Variants in NUP210 observed in about 807,000 individuals in gnomAD.
The protein encoded by NUP210 is nucleoporin 210, also known as nuclear pore membrane glycoprotein 210.
NUP210 carries 151 observed loss-of-function variants against 196.0 expected under a neutral mutation model. The observed-to-expected ratio is 0.77, with a 90% CI of 0.67 to 0.88. The LOEUF (loss-of-function observed/expected upper bound fraction) is 0.88. NUP210 is among the 40% of genes least tolerant of loss of function. The probability of loss-of-function intolerance (pLI) is 0.00; values close to 1 mark genes in which losing one functional copy is unlikely to be tolerated. For missense variants in NUP210, 2,314 were observed against 2,493.7 expected, an observed-to-expected ratio of 0.93 and a Z score of 1.53; for synonymous variants, 1,070 against 1,052.7, an observed-to-expected ratio of 1.02 and a Z score of -0.32.
chr3:13,319,670 C>A, intron 37 of NUP210, 93 bp downstream of exon 37: 1 of 1,079,824 alleles, frequency 9.3e-7, no homozygotes, highest in Admixed American at 2.0e-5. Context: ...TCCTCCATTT[C>A]TTACACCTCA....
At chr3:13,330,209 T>C (rs575022755) in intron 30 of NUP210, among the ~76,000 whole-genome samples, 3 of 152,366 alleles carry the variant, frequency 2.0e-5, no homozygotes, top group East Asian at 1.9e-4. Flanking sequence ...ACGCCAATCA[T>C]GGACCTTGCT....
Position 13,327,957 on chromosome 3 carries a change from G to A in NUP210, c.4287-520C>T, listed in dbSNP as rs1454216851. Reference sequence around the variant, plus strand: ...GCCACAGGGCAGGTGCTCAGTCAATGTTGGCAATGGCAGCTTTGGTGCAGA... The same window carrying A: ...GCCACAGGGCAGGTGCTCAGTCAATATTGGCAATGGCAGCTTTGGTGCAGA... On this transcript the variant is annotated intron_variant, in intron 31 of 39. Coordinates refer to ENST00000254508, the MANE Select transcript of NUP210 (RefSeq NM_024923.4). Among the ~76,000 whole-genome samples the A allele has an allele frequency of 4.6e-5, 7 of 152,354 alleles. No individual in the cohort carries two copies. In the East Asian group the frequency reaches 1.4e-3, roughly 29 times the overall value.
chr3:13,406,883 G>C (rs1025896877), intron 1 of NUP210, among the ~76,000 whole-genome samples: 2 of 137,162 alleles, frequency 1.5e-5, no homozygotes, highest in African/African-American at 5.7e-5. Context: ...TTTCATAGTC[G>C]GGAGTGGTGC....
intron 1 of NUP210, among the ~76,000 whole-genome samples, chr3:13,417,709 C>T (rs1700392337): frequency 6.6e-6 from 1 of 152,190 alleles, no homozygotes; most frequent in Non-Finnish European, 1.5e-5. Flanking sequence ...TTTCCAAACA[C>T]CTCTGAGAAG....
At chr3:13,368,844 G>A (rs773509384) in intron 13 of NUP210, among the ~76,000 whole-genome samples, 9 of 152,196 alleles carry the variant, frequency 5.9e-5, no homozygotes, top group Non-Finnish European at 1.2e-4. Context: ...GTGGACACCT[G>A]GGTTATTTCC....
chr3:13,405,056 G>A (rs1436117601), intron 1 of NUP210, among the ~76,000 whole-genome samples: 1 of 152,140 alleles, frequency 6.6e-6, no homozygotes, highest in Admixed American at 6.5e-5. Flanking sequence ...AAGTGTGCTG[G>A]TGGAGTGTGA....
chr3:13,388,011 G>C (rs561488369), intron 5 of NUP210, among the ~76,000 whole-genome samples: 11 of 152,194 alleles, frequency 7.2e-5, no homozygotes, highest in Middle Eastern at 3.4e-3. Flanking sequence ...TTGGAAACAG[G>C]TGAGTTACTG....
At chr3:13,415,603 C>T (rs1362679442) in intron 1 of NUP210, among the ~76,000 whole-genome samples, 1 of 152,144 alleles carries the variant, frequency 6.6e-6, no homozygotes, top group African/African-American at 2.4e-5. Flanking sequence ...TCAGGGAAGG[C>T]CAAGTGAAGG....
Position 13,378,777 on chromosome 3 carries a change from A to G in NUP210, c.1045+135T>C, listed in dbSNP as rs893567777. On this transcript the variant is annotated intron_variant, in intron 8 of 39. Transcript: ENST00000254508. ...GAAGGGCTGGTGAGTGCCCTGGGCA[A>G]TGATGGTCATAGCAAGTGGCAGAGC... 38 of 701,688 alleles carry G rather than the reference A, an allele frequency of 5.4e-5. 1 individual carries two copies. Among genetic ancestry groups the G allele is most frequent in the South Asian group, 3.7e-4 (23 of 61,838 alleles). 43.5% of individuals were successfully genotyped at this position (701,688 alleles called of 1,614,324 possible).
intron 29 of NUP210, among the ~76,000 whole-genome samples, chr3:13,331,097 A>G (rs1016829234): frequency 5.3e-5 from 8 of 152,146 alleles, no homozygotes; most frequent in Non-Finnish European, 8.8e-5. Flanking sequence ...CTGTGTGCAC[A>G]TTATGTCCCC....
intron 15 of NUP210, among the ~76,000 whole-genome samples, chr3:13,359,493 G>A (rs1698298412): frequency 6.6e-6 from 1 of 152,158 alleles, no homozygotes. Flanking sequence ...GGGCACCGTG[G>A]GAGGCATGCA....
In NUP210 at chr3:13,347,598, C is replaced by G. The variant is rs964681556; in HGVS notation, c.2835+4281G>C. 1.3e-5 allele frequency among the ~76,000 whole-genome samples: 2 copies of G among 152,150 alleles called. No homozygotes were observed. Among genetic ancestry groups the G allele is most frequent in the African/African-American group, 2.4e-5 (1 of 41,416 alleles). On this transcript the variant is annotated intron_variant, in intron 20 of 39. Coordinates refer to ENST00000254508, the MANE Select transcript of NUP210 (RefSeq NM_024923.4). This position sits in a 1 kb window ranked among gnomAD's most constrained non-coding sequence, Gnocchi z 4.7. The stretch of plus-strand genomic sequence containing the variant: ...AGCCCCAGAGAGCCCCCCAGAGACA[C>G]TCCAAAGCCACACATTCCCGCAAGC...
At chr3:13,383,837 T>C (rs1329881012) in intron 6 of NUP210, among the ~76,000 whole-genome samples, 1 of 151,688 alleles carries the variant, frequency 6.6e-6, no homozygotes, top group Admixed American at 6.6e-5. Context: ...GAGTGAGCTC[T>C]TTCTAAAGTC....
Position 13,340,702 on chromosome 3 carries a change from T to C in NUP210, c.3229-404A>G, listed in dbSNP as rs545714225. Among the ~76,000 whole-genome samples the C allele has an allele frequency of 4.9e-4, 75 of 152,232 alleles. No homozygotes were observed. Among genetic ancestry groups the C allele is most frequent in the African/African-American group, 1.7e-3 (72 of 41,554 alleles). ...AATGTACAGCCCCAGCCACCTGGCC[T>C]GTGGAGCCAGGGGTGGCCCCACAGG... On this transcript the variant is annotated intron_variant, in intron 23 of 39. Coordinates refer to ENST00000254508, the MANE Select transcript of NUP210 (RefSeq NM_024923.4). The surrounding 1 kb of genome is among the most constrained non-coding windows in gnomAD (Gnocchi z 4.0).
chr3:13,335,714 C>A lies in NUP210; in HGVS notation c.3685-102G>T, dbSNP rs1576355220. On this transcript the variant is annotated intron_variant, in intron 27 of 39. Coordinates refer to ENST00000254508, the MANE Select transcript of NUP210 (RefSeq NM_024923.4). ...GCCCCAGACCCCCCAGCCCCCCAGT[C>A]CTGGTAGCTGCTGGCCTGTTCTCAA... 5 of 1,316,298 alleles carry A rather than the reference C, an allele frequency of 3.8e-6. No homozygotes were observed. The East Asian group carries it at 1.2e-4, about 32-fold the overall frequency. The allele number at this position is 1,316,298 out of a possible 1,614,324, so 81.5% of individuals were successfully genotyped here. A position where few individuals can be genotyped will look rare whatever the true frequency, so the allele number is the denominator to read the frequency against.
At chr3:13,404,067 C>T (rs1391619616) in intron 1 of NUP210, among the ~76,000 whole-genome samples, 1 of 152,240 alleles carries the variant, frequency 6.6e-6, no homozygotes, top group Non-Finnish European at 1.5e-5. Context: ...CGCTGGTTTT[C>T]CTGTGACCAG....
chr3:13,365,545 C>T (rs1698500192), intron 14 of NUP210, among the ~76,000 whole-genome samples: 1 of 152,240 alleles, frequency 6.6e-6, no homozygotes, highest in African/African-American at 2.4e-5. Context: ...ACCACACGGC[C>T]GCTGTCCTAA....
chr3:13,346,794 G>A lies in NUP210; in HGVS notation c.2836-3491C>T, dbSNP rs117155726. ...CATTTCCTGCAGGCTGCTTGTCAACGTCACGTGATGGGCCAGGAAGTGCCA... is the reference window on the plus strand; with the variant it reads ...CATTTCCTGCAGGCTGCTTGTCAACATCACGTGATGGGCCAGGAAGTGCCA... On this transcript the variant is annotated intron_variant, in intron 20 of 39. Coordinates refer to ENST00000254508, the MANE Select transcript of NUP210 (RefSeq NM_024923.4). Among the ~76,000 whole-genome samples the A allele has an allele frequency of 1.2e-4, 18 of 152,294 alleles. No homozygotes were observed. The East Asian group carries it at 2.9e-3, about 25-fold the overall frequency.
rs544737946 is a variant in NUP210, at chr3:13,408,748, A to G, written c.168-8887T>C. 6.0e-5 allele frequency among the ~76,000 whole-genome samples: 9 copies of G among 148,904 alleles called. No individual in the cohort carries two copies. The East Asian group carries it at 1.8e-3, about 29-fold the overall frequency. On this transcript the variant is annotated intron_variant, in intron 1 of 39. Transcript: ENST00000254508. The stretch of plus-strand genomic sequence containing the variant: ...GGTTGCTGTGAGCTGAGGTCGCACC[A>G]CTGCACTCCAGCCTGAGTGACAGGG...
Sources: gnomAD v4.1 joint callset for allele counts (sites outside exome capture counted in the v4.1 genomes callset) on GRCh38, gnomAD v4.1.1 for gene constraint, Gnocchi (gnomAD v3.1) non-coding constraint, MANE v1.5 for transcripts, NCBI Gene and HGNC (gene_info 2026-07-23, HGNC 2026-07-21) for gene names.